The following TENM2 variants were observed in gnomAD, a reference collection of about 807,000 sequenced individuals.
TENM2 encodes teneurin transmembrane protein 2, also known as teneurin-2.
A neutral mutation model predicts 245.2 loss-of-function variants in TENM2; 52 were observed. The observed-to-expected ratio is 0.21, with a 90% CI of 0.17 to 0.27. The LOEUF (loss-of-function observed/expected upper bound fraction) is 0.27. Ranked by LOEUF, TENM2 falls within the 10% of genes least tolerant of loss-of-function variation. The pLI is 1.00. For missense variants in TENM2, 3,046 were observed against 3,666.8 expected (o/e 0.83, Z 4.37); for synonymous variants, 1,363 against 1,438.9 (o/e 0.95, Z 1.19).
intron 2 of TENM2, among the ~76,000 whole-genome samples, chr5:167,534,472 A>G (rs1205419690): frequency 6.6e-6 from 1 of 152,220 alleles, no homozygotes; most frequent in Admixed American, 6.5e-5. Context: ...TGAATTTCAG[A>G]TAAACAACAA....
rs1187600622 is a variant in TENM2 at position 167,620,545 on chromosome 5, T to A, written c.502+245072T>A. Among the ~76,000 whole-genome samples the A allele has an allele frequency of 1.8e-3, 265 of 146,792 alleles. 3 individuals are homozygous for A. Among genetic ancestry groups the A allele is most frequent in the African/African-American group, 6.3e-3 (251 of 40,076 alleles). On this transcript the variant is annotated intron_variant, in intron 2 of 28. Coordinates refer to ENST00000518659, the Ensembl canonical transcript of TENM2. Reference sequence around the variant, plus strand: ...ACCCTGTTGGCTAAAACTTTGCTTTTTGGCTTTTTTTTTTTTTTTTTTTTT... The same window carrying A: ...ACCCTGTTGGCTAAAACTTTGCTTTATGGCTTTTTTTTTTTTTTTTTTTTT...
intron 3 of TENM2, among the ~76,000 whole-genome samples, chr5:167,917,411 A>G (rs1030674364): frequency 1.3e-5 from 2 of 152,042 alleles, no homozygotes; most frequent in African/African-American, 2.4e-5. Context: ...CACTGGCTTC[A>G]TTTGTGAGTT....
exon 21 of TENM2, chr5:168,215,176 G>A (rs11957063): frequency 1.8e-5 from 29 of 1,613,920 alleles, no homozygotes; most frequent in Non-Finnish European, 2.5e-5. Context: ...GAATTCGGAA[G>A]TTGTGGCAGG....
the TENM2 span, among the ~76,000 whole-genome samples, chr5:166,983,744 G>A: frequency 1.3e-5 from 2 of 152,000 alleles, no homozygotes. Context: ...GCATTGTTTG[G>A]GGGGAAAGAG....
Position 167,642,639 on chromosome 5 carries a change from A to T in TENM2, c.503-233347A>T, listed in dbSNP as rs144341423. ...CATTCTTGTGAAGTATAATACAAGCATCATAGCAGAGCTTAAAAGACTTAA... is the reference window on the plus strand; with the variant it reads ...CATTCTTGTGAAGTATAATACAAGCTTCATAGCAGAGCTTAAAAGACTTAA... On this transcript the variant is annotated intron_variant, in intron 2 of 28. Transcript: ENST00000518659. Among the ~76,000 whole-genome samples the T allele has an allele frequency of 9.2e-3, 1,408 of 152,364 alleles. 11 individuals carry two copies. The highest frequency in any genetic ancestry group is 0.015 in the Non-Finnish European group (1,033 of 68,036).
intron 4 of TENM2, among the ~76,000 whole-genome samples, chr5:167,987,095 TA>T (rs1307117924): frequency 1.3e-5 from 2 of 152,208 alleles, no homozygotes; most frequent in Non-Finnish European, 2.9e-5. Flanking sequence ...TATCTGTTTT[TA>T]TAGAGCTTGA....
intron 2 of TENM2, among the ~76,000 whole-genome samples, chr5:167,419,423 C>T (rs186044251): frequency 1.9e-4 from 29 of 152,146 alleles, no homozygotes; most frequent in Admixed American, 6.5e-4. Flanking sequence ...ATGGTGCCAC[C>T]GCACTCCAGC....
chr5:167,145,912 T>C, the TENM2 span, among the ~76,000 whole-genome samples: 1 of 152,184 alleles, frequency 6.6e-6, no homozygotes, highest in Admixed American at 6.5e-5. Context: ...ATTATGATGA[T>C]GATGTCATTA....
intron 27 of TENM2, among the ~76,000 whole-genome samples, chr5:168,254,654 G>A (rs977793602): frequency 2.0e-5 from 3 of 152,178 alleles, no homozygotes; most frequent in Non-Finnish European, 2.9e-5. Context: ...AGAGGCAGGA[G>A]GGCTCTTAAC....
intron 2 of TENM2, among the ~76,000 whole-genome samples, chr5:167,786,097 A>G (rs185124891): frequency 7.3e-4 from 111 of 152,254 alleles, no homozygotes; most frequent in Non-Finnish European, 1.2e-3. Flanking sequence ...CAATCTTTTC[A>G]CATTTTTTTT....
chr5:167,242,061 T>TTTTTTTTTGTTG, the TENM2 span, among the ~76,000 whole-genome samples: 1 of 150,144 alleles, frequency 6.7e-6, no homozygotes, highest in African/African-American at 2.5e-5. Context: ...TTTTTTTTTT[T>TTTTTTTTTGTTG]GAGATGGAGT....
At chr5:167,035,852 C>T in the TENM2 span, among the ~76,000 whole-genome samples, 2 of 152,212 alleles carry the variant, frequency 1.3e-5, no homozygotes, top group South Asian at 2.1e-4. Flanking sequence ...AAGCGAGTCT[C>T]GTGCCTCAGT....
At chr5:168,032,239 T>A (rs1230418776) in intron 5 of TENM2, among the ~76,000 whole-genome samples, 1 of 152,242 alleles carries the variant, frequency 6.6e-6, no homozygotes, top group Non-Finnish European at 1.5e-5. Context: ...GAATTTCATG[T>A]CTAAATATTT....
intron 7 of TENM2, among the ~76,000 whole-genome samples, chr5:168,074,373 C>G (rs1385020576): frequency 6.6e-6 from 1 of 152,170 alleles, no homozygotes; most frequent in African/African-American, 2.4e-5. Flanking sequence ...TCATAGGAAC[C>G]AGGAAACACA....
At chr5:167,508,182 T>G (rs1769683212) in intron 2 of TENM2, among the ~76,000 whole-genome samples, 1 of 152,174 alleles carries the variant, frequency 6.6e-6, no homozygotes, top group South Asian at 2.1e-4. Context: ...TCACACATAT[T>G]TCACTTTAAG....
At chr5:168,056,128 A>G (rs752831811) in intron 6 of TENM2, among the ~76,000 whole-genome samples, 1 of 152,190 alleles carries the variant, frequency 6.6e-6, no homozygotes, top group Non-Finnish European at 1.5e-5. Context: ...TTCTTCATGG[A>G]ACTCAGCCTG....
intron 2 of TENM2, among the ~76,000 whole-genome samples, chr5:167,841,972 C>G (rs1769560368): frequency 6.6e-6 from 1 of 151,802 alleles, no homozygotes; most frequent in Admixed American, 6.6e-5. Flanking sequence ...TCTATATATA[C>G]ACACACATAC....
At chr5:167,298,523 A>G (rs1755103101) in intron 1 of TENM2, among the ~76,000 whole-genome samples, 1 of 152,190 alleles carries the variant, frequency 6.6e-6, no homozygotes, top group South Asian at 2.1e-4. Flanking sequence ...GAATGGCGTA[A>G]ACCCCAGGGG....
chr5:167,476,268 A>G (rs1470053722), intron 2 of TENM2, among the ~76,000 whole-genome samples: 1 of 152,146 alleles, frequency 6.6e-6, no homozygotes, highest in Non-Finnish European at 1.5e-5. Context: ...AATCATATCA[A>G]TGAACTTTTT....
Sources: allele counts gnomAD v4.1 joint callset (sites outside exome capture counted in the v4.1 genomes callset), GRCh38; gene constraint gnomAD v4.1.1; transcripts MANE v1.5; gene names NCBI Gene and HGNC (gene_info 2026-07-23, HGNC 2026-07-21).